ALK: variants seen among roughly 807,000 people sequenced by gnomAD.
ALK encodes ALK tyrosine kinase receptor.
ALK carries 74 observed loss-of-function variants against 163.1 expected under a neutral mutation model. The observed-to-expected ratio is 0.45, with a 90% CI of 0.38 to 0.55. The LOEUF is 0.55. ALK is among the 20% of genes least tolerant of loss of function. The pLI, the probability that ALK is intolerant of heterozygous loss-of-function variation, is 0.00. For synonymous variants in ALK, 960 were observed against 843.2 expected (o/e 1.14, Z -2.40); for missense variants, 2,063 against 2,105.3 (o/e 0.98, Z 0.39).
rs966535208 is a variant in ALK at position 29,378,933 on chromosome 2, G to A, written c.1282+4799C>T. Among the ~76,000 whole-genome samples the A allele has an allele frequency of 2.0e-5, 3 of 152,122 alleles. 1 individual carries two copies. The South Asian group carries it at 6.2e-4, about 32-fold the overall frequency. On this transcript the variant is annotated intron_variant, in intron 5 of 28. Transcript: ENST00000389048. ...TCGCGACGTTGGCCAGGCTGGTCTC[G>A]AACTCCTGACCTCAGGTGATCCACC...
rs764176323 is a variant in ALK at position 29,920,585 on chromosome 2, G to A, written c.75C>T (p.Thr25=). ...STAAVGSGMG[T]GQRAGSPAAG... The stretch of plus-strand genomic sequence containing the variant: ...CAGCTGGGGAGCCCGCGCGCTGGCC[G>A]GTCCCCATCCCGGAGCCCACAGCTG... Residue 25 remains threonine (T), a synonymous_variant, in exon 1 of 29, where the codon ACC becomes ACT. Transcript: ENST00000389048. The A allele has an allele frequency of 1.3e-5, 21 of 1,577,640 alleles. No homozygotes were observed. The highest frequency in any genetic ancestry group is 1.0e-4 in the South Asian group (9 of 87,592).
intron 4 of ALK, among the ~76,000 whole-genome samples, chr2:29,519,645 T>G (rs568533537): frequency 6.6e-6 from 1 of 152,292 alleles, no homozygotes; most frequent in East Asian, 1.9e-4. Context: ...AACAAGAAAG[T>G]TGATAGACAA....
chr2:29,800,879 A>T (rs1664449720), intron 1 of ALK, among the ~76,000 whole-genome samples: 1 of 152,190 alleles, frequency 6.6e-6, no homozygotes, highest in Admixed American at 6.5e-5. Context: ...GTCATCTGTG[A>T]TGTGTGGTGA....
chr2:29,466,294 T>C (rs949635319), intron 4 of ALK, among the ~76,000 whole-genome samples: 1 of 152,216 alleles, frequency 6.6e-6, no homozygotes, highest in Middle Eastern at 3.4e-3. Context: ...CCGTCATCTA[T>C]TGTTTCTATG....
At chr2:29,858,156 C>T (rs758050426) in intron 1 of ALK, among the ~76,000 whole-genome samples, 1 of 152,134 alleles carries the variant, frequency 6.6e-6, no homozygotes, top group African/African-American at 2.4e-5. Context: ...GGATTCAGAA[C>T]AGTTCCGTCA....
chr2:29,350,940 C>G (rs1668094448), intron 5 of ALK, among the ~76,000 whole-genome samples: 1 of 152,166 alleles, frequency 6.6e-6, no homozygotes, highest in Non-Finnish European at 1.5e-5. Context: ...GTTTTTGGTG[C>G]TTCATGAAAA....
In ALK at chr2:29,506,393, G is replaced by A. The variant is rs566091287; in HGVS notation, c.1154+25522C>T. Among the ~76,000 whole-genome samples the A allele has an allele frequency of 1.4e-4, 21 of 152,280 alleles. No homozygotes were observed. The South Asian group carries it at 3.9e-3, about 29-fold the overall frequency. Reference sequence around the variant, plus strand: ...TAGAGAATGAGACACTCATGATCAGGTATAAACAGGGTGAGCTCATCAGGG... The same window carrying A: ...TAGAGAATGAGACACTCATGATCAGATATAAACAGGGTGAGCTCATCAGGG... On this transcript the variant is annotated intron_variant, in intron 4 of 28. Transcript: ENST00000389048.
At position 29,555,775 on chromosome 2, in the gene ALK, TC is replaced by T. The variant is rs76349668; in HGVS notation, c.953-23660del. Reference sequence around the variant, plus strand: ...AATAAATAGGGGCAGACTCCCAATTTCTTTGGAAAGCAGAAATGCTTGAACT... The same window carrying T: ...AATAAATAGGGGCAGACTCCCAATTTTTTGGAAAGCAGAAATGCTTGAACT... On this transcript the variant is annotated intron_variant, in intron 3 of 28. Transcript: ENST00000389048. Among the ~76,000 whole-genome samples the T allele has an allele frequency of 5.7e-4, 87 of 152,252 alleles. 3 individuals are homozygous for T. In the East Asian group the frequency reaches 0.016, roughly 27 times the overall value.
intron 26 of ALK, among the ~76,000 whole-genome samples, chr2:29,198,284 A>T (rs1008042144): frequency 2.6e-5 from 4 of 152,178 alleles, no homozygotes; most frequent in African/African-American, 4.8e-5. Flanking sequence ...GGCCTATTTT[A>T]ATAGGCAACT....
Position 29,328,350 on chromosome 2 carries a change from G to T in ALK, c.1414C>A (p.Arg472=). The change falls in exon 6 of 29, where the codon CGG becomes AGG. Residue 472 remains arginine (R), a splice_region_variant and synonymous_variant. Coordinates refer to ENST00000389048, the MANE Select transcript of ALK (RefSeq NM_004304.5). ...AQGEDESQMC[R]KLPVGFYCNF... Reference sequence around the variant, plus strand: ...GGGTGGGGCAGCCCCATCTACTCACGGCACATCTGGCTCTCATCTTCTCCC... The same window carrying T: ...GGGTGGGGCAGCCCCATCTACTCACTGCACATCTGGCTCTCATCTTCTCCC... 1.9e-6 allele frequency: 3 copies of T among 1,614,106 alleles called. No homozygotes were observed. The South Asian group carries it at 3.3e-5, about 18-fold the overall frequency.
chr2:29,741,862 C>T (rs536893318), intron 1 of ALK, among the ~76,000 whole-genome samples: 22 of 152,296 alleles, frequency 1.4e-4, no homozygotes, highest in Admixed American at 9.8e-4. Flanking sequence ...CTGGCAGTTA[C>T]GTGACTGGGG....
At chr2:29,475,562 C>G (rs1031291075) in intron 4 of ALK, among the ~76,000 whole-genome samples, 5 of 152,170 alleles carry the variant, frequency 3.3e-5, no homozygotes, top group Non-Finnish European at 7.3e-5. Context: ...CCAGGCCCTC[C>G]CAGACCACAC....
intron 1 of ALK, among the ~76,000 whole-genome samples, chr2:29,886,620 T>C (rs559753169): frequency 1.3e-5 from 2 of 152,336 alleles, no homozygotes; most frequent in African/African-American, 4.8e-5. Flanking sequence ...TGTGGTCAAG[T>C]GCATCTCAGT....
chr2:29,416,951 T>C (rs1669894460), intron 4 of ALK, among the ~76,000 whole-genome samples: 1 of 146,598 alleles, frequency 6.8e-6, no homozygotes, highest in Non-Finnish European at 1.5e-5. Context: ...AAAAAATGAG[T>C]GAACTTTTGT....
chr2:29,441,243 T>C (rs1164788316), intron 4 of ALK, among the ~76,000 whole-genome samples: 1 of 152,252 alleles, frequency 6.6e-6, no homozygotes, highest in Admixed American at 6.5e-5. Context: ...TCTCCCTGTG[T>C]ACCTCACAAA....
chr2:29,733,903 C>T (rs1679817084), intron 1 of ALK, among the ~76,000 whole-genome samples: 2 of 152,094 alleles, frequency 1.3e-5, no homozygotes, highest in South Asian at 4.1e-4. Flanking sequence ...ATTGGACCTG[C>T]TGAGCCTGTG....
chr2:29,292,675 T>C (rs148210718), intron 9 of ALK, among the ~76,000 whole-genome samples: 2 of 152,248 alleles, frequency 1.3e-5, no homozygotes, highest in Non-Finnish European at 2.9e-5. Context: ...TCAGAGGACA[T>C]TGCCACTGCT....
intron 15 of ALK, 81 bp downstream of exon 15, chr2:29,232,223 C>A (rs866223101): frequency 1.3e-6 from 2 of 1,579,976 alleles, no homozygotes; most frequent in Non-Finnish European, 8.7e-7. Context: ...GACTAAGATG[C>A]CCTCAGGCAT....
chr2:29,529,430 T>G (rs1673056878), intron 4 of ALK, among the ~76,000 whole-genome samples: 1 of 152,226 alleles, frequency 6.6e-6, no homozygotes, highest in African/African-American at 2.4e-5. Context: ...ACTATGCTAG[T>G]GAGGTCATCT....
Sources: gnomAD v4.1 joint callset for allele counts (sites outside exome capture counted in the v4.1 genomes callset) on GRCh38, gnomAD v4.1.1 for gene constraint, MANE v1.5 for transcripts, NCBI Gene and HGNC (gene_info 2026-07-23, HGNC 2026-07-21) for gene names.